The following UPRT variants were observed in gnomAD, a reference collection of about 807,000 sequenced individuals.
The protein encoded by UPRT is RP11-311P8.3.
In UPRT, 5 loss-of-function variants were observed where a neutral mutation model predicts 22.6. The ratio of observed to expected loss-of-function variants is 0.22; its 90% CI spans 0.12 to 0.47. The LOEUF is 0.47. UPRT is among the 20% of genes least tolerant of loss of function. The pLI is 0.99. For synonymous variants in UPRT, 77 were observed against 87.7 expected, an observed-to-expected ratio of 0.88 and a Z score of 0.68; for missense variants, 181 against 239.9, an observed-to-expected ratio of 0.75 and a Z score of 1.62.
rs55819232 is a variant in UPRT, at chrX:75,205,383, C to CA, written c.-447+37534dup. Among the ~76,000 whole-genome samples the CA allele has an allele frequency of 7.8e-3, 297 of 38,162 alleles. 16 individuals are homozygous for CA. The highest frequency in any genetic ancestry group is 0.013 in the African/African-American group (99 of 7,841). 33.1% of individuals were successfully genotyped at this position (38,162 alleles called of 115,157 possible). A position where few individuals can be genotyped will look rare whatever the true frequency, so the allele number is the denominator to read the frequency against. On this transcript the variant is annotated intron_variant, in intron 4 of 13. Transcript: ENST00000652605. ...TGGGCGACAGAGCGAGACTCCGTCT[C>CA]AAAAAAAAAAAAAAAAAAAAAAAAA...
At chrX:75,208,792 A>G (rs181662872) in intron 4 of UPRT, among the ~76,000 whole-genome samples, 25 of 111,265 alleles carry the variant, frequency 2.2e-4, no homozygotes, top group African/African-American at 6.5e-4. Flanking sequence ...AGACTGATGA[A>G]GAAAAATGGA....
chrX:75,266,828 C>A lies in UPRT; in HGVS notation c.-446-24196C>A, dbSNP rs368618393. On this transcript the variant is annotated intron_variant, in intron 4 of 13. Coordinates refer to the UPRT transcript ENST00000652605. ...AAGACATTTATGCAGCCAACAGACA[C>A]ATGAAAAAATGCTCATCATCCCTAG... Among the ~76,000 whole-genome samples the A allele has an allele frequency of 3.7e-3, 416 of 111,654 alleles. 3 individuals are homozygous for A. Among genetic ancestry groups the A allele is most frequent in the African/African-American group, 0.013 (394 of 30,748 alleles).
At chrX:75,248,308 T>G (rs1451887067) in intron 4 of UPRT, among the ~76,000 whole-genome samples, 1 of 110,877 alleles carries the variant, frequency 9.0e-6, no homozygotes, top group Non-Finnish European at 1.9e-5. Flanking sequence ...ATAAAAACCT[T>G]GAAAAAAAAT....
intron 4 of UPRT, among the ~76,000 whole-genome samples, chrX:75,246,172 G>A (rs1361545381): frequency 1.8e-5 from 2 of 108,842 alleles, no homozygotes; most frequent in Non-Finnish European, 3.8e-5. Flanking sequence ...TGTTACATAT[G>A]TATACATGTG....
intron 2 of UPRT, among the ~76,000 whole-genome samples, chrX:75,161,022 CAT>C (rs1272791624): frequency 2.3e-4 from 26 of 112,440 alleles, no homozygotes; most frequent in African/African-American, 6.8e-4. Context: ...CACATACACA[CAT>C]GTTTATTACT....
upstream of UPRT, chrX:75,273,946 G>T: frequency 3.8e-6 from 1 of 260,147 alleles, no homozygotes; most frequent in Non-Finnish European, 6.8e-6. Context: ...CCTCGCTGCG[G>T]GGGCTTAGCT....
At chrX:75,251,385 T>A (rs866379531) in intron 4 of UPRT, among the ~76,000 whole-genome samples, 3 of 111,562 alleles carry the variant, frequency 2.7e-5, no homozygotes, top group Non-Finnish European at 5.6e-5. Context: ...AAAATCAATG[T>A]GCAAAAATCA....
intron 4 of UPRT, among the ~76,000 whole-genome samples, chrX:75,247,372 A>T (rs1335070284): frequency 9.0e-6 from 1 of 111,160 alleles, no homozygotes; most frequent in East Asian, 2.8e-4. Flanking sequence ...ATATCGGGTC[A>T]CTCCCACTCT....
chrX:75,172,916 T>G (rs1246214216), intron 4 of UPRT, among the ~76,000 whole-genome samples: 1 of 110,916 alleles, frequency 9.0e-6, no homozygotes, highest in East Asian at 2.9e-4. Flanking sequence ...AAAGAACAAA[T>G]CTTCCACAGT....
intron 4 of UPRT, among the ~76,000 whole-genome samples, chrX:75,190,159 G>T (rs1169349580): frequency 8.9e-6 from 1 of 111,912 alleles, no homozygotes; most frequent in Admixed American, 9.5e-5. Flanking sequence ...AGGAGCTCTT[G>T]TAGGGTGGGC....
intron 4 of UPRT, among the ~76,000 whole-genome samples, chrX:75,180,368 G>T (rs756771086): frequency 2.7e-5 from 3 of 111,653 alleles, no homozygotes; most frequent in Admixed American, 9.5e-5. Context: ...TCAGCTCCAG[G>T]TAAGCTCAAG....
intron 4 of UPRT, among the ~76,000 whole-genome samples, chrX:75,180,710 T>TTTTTTTTTTTTTTTTTTTTTTTTTTTTTA (rs2082267570): frequency 1.0e-5 from 1 of 97,014 alleles, no homozygotes; most frequent in African/African-American, 3.8e-5. Context: ...TTTTTTTTTT[T>TTTTTTTTTTTTTTTTTTTTTTTTTTTTTA]TTTTTTTTTT....
intron 1 of UPRT, among the ~76,000 whole-genome samples, chrX:75,284,583 C>T (rs930206880): frequency 2.7e-5 from 3 of 111,296 alleles, no homozygotes; most frequent in African/African-American, 6.5e-5. Flanking sequence ...ATCCAGCTAC[C>T]CAGAGAGTCT....
At position 75,255,533 on chromosome X, in the gene UPRT, T is replaced by TG. The variant is rs778121606; in HGVS notation, c.-446-35490dup. Among the ~76,000 whole-genome samples the TG allele has an allele frequency of 1.9e-4, 21 of 111,392 alleles. No individual in the cohort carries two copies. In the Middle Eastern group the frequency reaches 0.023, roughly 123 times the overall value. On this transcript the variant is annotated intron_variant, in intron 4 of 13. Coordinates refer to the UPRT transcript ENST00000652605. ...TCTCAATACTAACATTGAATTGGAG[T>TG]GACCTAAATGCTCCACTTAGAAGAT...
intron 4 of UPRT, among the ~76,000 whole-genome samples, chrX:75,201,008 A>G (rs1239757815): frequency 8.9e-6 from 1 of 112,117 alleles, no homozygotes; most frequent in Non-Finnish European, 1.9e-5. Context: ...AATATTTAAC[A>G]TGCTTTTCAA....
rs1239713826 is a variant in UPRT, at chrX:75,297,563, C to T, written c.562+10C>T. ...AGCATAATGAGAAGCGGTAGGTTCACGTGTGTGTGATTTTTGTCTCTTTGT... is the reference window on the plus strand; with the variant it reads ...AGCATAATGAGAAGCGGTAGGTTCATGTGTGTGTGATTTTTGTCTCTTTGT... On this transcript the variant is annotated intron_variant, in intron 4 of 6. Coordinates refer to ENST00000373383, the MANE Select transcript of UPRT (RefSeq NM_145052.4). 4.1e-6 allele frequency: 5 copies of T among 1,208,666 alleles called. No individual in the cohort carries two copies. The highest frequency in any genetic ancestry group is 3.0e-5 in the East Asian group (1 of 33,748).
At chrX:75,165,976 C>T (rs1043524802) in intron 3 of UPRT, among the ~76,000 whole-genome samples, 1 of 111,739 alleles carries the variant, frequency 8.9e-6, no homozygotes, top group African/African-American at 3.3e-5. Flanking sequence ...AACTTATTCT[C>T]TAGCTCATTC....
chrX:75,298,517 T>C (rs1199334824), intron 4 of UPRT, among the ~76,000 whole-genome samples: 1 of 111,897 alleles, frequency 8.9e-6, no homozygotes, highest in East Asian at 2.8e-4. Flanking sequence ...CCAACTTAAT[T>C]GTTTCACGTA....
In UPRT at chrX:75,300,882, T is replaced by C. The variant is rs767295611; in HGVS notation, c.740T>C (p.Val247Ala). The change falls in exon 6 of 7, where the codon GTA becomes GCA. Residue 247 changes from valine (V) to alanine (A), a missense_variant. This residue lies in a region of UPRT where 70 missense variants were observed against 137.0 expected (regional missense o/e 0.51). Transcript: ENST00000373383. The part of the protein sequence containing the change: ...MYPILSTGNT[V>A]IEAVKVLIEH... Reference sequence around the variant, plus strand: ...TTGATTTCAGGCACTGGAAATACTGTAATTGAAGCTGTAAAGGTTCTTATA... The same window carrying C: ...TTGATTTCAGGCACTGGAAATACTGCAATTGAAGCTGTAAAGGTTCTTATA... The C allele has an allele frequency of 8.3e-7, 1 of 1,205,597 alleles. No individual in the cohort carries two copies. The highest frequency in any genetic ancestry group is 1.8e-5 in the South Asian group (1 of 55,958).
Sources: allele counts gnomAD v4.1 joint callset (sites outside exome capture counted in the v4.1 genomes callset), GRCh38; gene constraint gnomAD v4.1.1; regional missense constraint gnomAD v4.1.1; transcripts MANE v1.5; gene names NCBI Gene and HGNC (gene_info 2026-07-23, HGNC 2026-07-21).